SRPK1: variants seen among roughly 807,000 people sequenced by gnomAD.
SRPK1 encodes SFRS protein kinase 1.
Under a neutral mutation model 89.5 loss-of-function variants are expected in SRPK1, and 52 were observed. The ratio of observed to expected loss-of-function variants is 0.58; its 90% CI spans 0.46 to 0.73. The LOEUF is 0.73. Among genes scored for constraint, SRPK1 ranks in the 30% least tolerant of loss-of-function variants. The probability of loss-of-function intolerance (pLI) is 0.00; values close to 1 mark genes in which losing one functional copy is unlikely to be tolerated. For synonymous variants in SRPK1, 255 were observed against 270.2 expected, an observed-to-expected ratio of 0.94 and a Z score of 0.55; for missense variants, 603 against 780.6, an observed-to-expected ratio of 0.77 and a Z score of 2.71.
chr6:35,841,287 T>A (rs1326452492), intron 14 of SRPK1, among the ~76,000 whole-genome samples: 1 of 152,200 alleles, frequency 6.6e-6, no homozygotes, highest in Non-Finnish European at 1.5e-5. Flanking sequence ...AGCATAGCAT[T>A]TTCCAAATGG....
At chr6:35,898,282 A>G (rs1770665036) in intron 2 of SRPK1, among the ~76,000 whole-genome samples, 1 of 152,232 alleles carries the variant, frequency 6.6e-6, no homozygotes, top group Admixed American at 6.5e-5. Flanking sequence ...GGAGAAAAGC[A>G]AATACTGTAT....
chr6:35,912,521 A>G (rs1321608365), intron 2 of SRPK1, among the ~76,000 whole-genome samples: 1 of 152,242 alleles, frequency 6.6e-6, no homozygotes, highest in African/African-American at 2.4e-5. Context: ...ACTACAGTAC[A>G]GTGCAAACAT....
intron 6 of SRPK1, among the ~76,000 whole-genome samples, chr6:35,875,088 C>G (rs1294734156): frequency 6.6e-6 from 1 of 152,256 alleles, no homozygotes; most frequent in African/African-American, 2.4e-5. Context: ...CTTTAACATT[C>G]TCCATTAAAG....
intron 6 of SRPK1, among the ~76,000 whole-genome samples, chr6:35,874,933 A>ATT (rs1770122697): frequency 6.6e-6 from 1 of 152,198 alleles, no homozygotes; most frequent in African/African-American, 2.4e-5. Context: ...GAACAACCTG[A>ATT]TGACACCACA....
At chr6:35,844,068 A>G (rs6905144) in intron 13 of SRPK1, among the ~76,000 whole-genome samples, 46,412 of 147,916 alleles carry the variant, frequency 0.31, 7,491 homozygotes, top group South Asian at 0.42. Flanking sequence ...GCAGTGGCAC[A>G]ATCTCGGCTC....
At chr6:35,919,480 T>C (rs576199854) in intron 2 of SRPK1, among the ~76,000 whole-genome samples, 2 of 152,074 alleles carry the variant, frequency 1.3e-5, no homozygotes, top group Non-Finnish European at 2.9e-5. Flanking sequence ...CCACAAAACA[T>C]CAAATAAATG....
intron 13 of SRPK1, 130 bp from the exon 14 acceptor site, chr6:35,842,734 A>AAC (rs1769338618): frequency 1.9e-6 from 1 of 516,468 alleles, no homozygotes; most frequent in Admixed American, 4.0e-5. Flanking sequence ...TTTAAAAAAA[A>AAC]AAAAAAACAA....
rs1259157963 is a variant in SRPK1 at position 35,915,979 on chromosome 6, A to G, written c.74+4489T>C. ...AGAACGAGACTCTGTCTCAAAAACA[A>G]AAAAAAAAAAAAATATATACACACA... On this transcript the variant is annotated intron_variant, in intron 2 of 15. Transcript: ENST00000373825. Among the ~76,000 whole-genome samples the G allele has an allele frequency of 2.1e-5, 2 of 94,118 alleles. 1 individual carries two copies. Among genetic ancestry groups the G allele is most frequent in the East Asian group, 5.7e-4 (2 of 3,486 alleles). 61.7% of individuals were successfully genotyped at this position (94,118 alleles called of 152,430 possible). A position where few individuals can be genotyped will look rare whatever the true frequency, so the allele number is the denominator to read the frequency against.
intron 2 of SRPK1, among the ~76,000 whole-genome samples, chr6:35,913,999 G>C (rs1406695544): frequency 3.1e-5 from 3 of 96,984 alleles, no homozygotes; most frequent in Non-Finnish European, 6.6e-5. Flanking sequence ...TTTTGAGATG[G>C]AGTTTTGCTC....
At chr6:35,886,908 A>C in intron 5 of SRPK1, 97 bp from the exon 6 acceptor site, 1 of 679,034 alleles carries the variant, frequency 1.5e-6, no homozygotes, top group Non-Finnish European at 2.6e-6. Context: ...ACTACAAGAA[A>C]GAGCTCACAT....
intron 15 of SRPK1, among the ~76,000 whole-genome samples, chr6:35,836,652 G>A (rs1769184993): frequency 6.6e-6 from 1 of 151,906 alleles, no homozygotes; most frequent in African/African-American, 2.4e-5. Flanking sequence ...CTACTTGGGA[G>A]GTTGAGGCAG....
chr6:35,886,740 T>C lies in SRPK1; in HGVS notation c.462A>G (p.Ser154=), dbSNP rs376053592. The change falls in exon 6 of 16, where the codon TCA becomes TCG. Residue 154 remains serine, a synonymous_variant. Coordinates refer to ENST00000373825, the MANE Select transcript of SRPK1 (RefSeq NM_003137.5). ...AAAGGATACGTGTTCCATTAACTCCTGATATTTTAAAGTCATCTAGTAGTT... is the reference window on the plus strand; with the variant it reads ...AAAGGATACGTGTTCCATTAACTCCCGATATTTTAAAGTCATCTAGTAGTT... ...VVQLLDDFKI[S]GVNGTHICMV... is the part of the protein sequence containing the mutation. 48 of 1,597,912 alleles carry C rather than the reference T, an allele frequency of 3.0e-5. No individual in the cohort carries two copies. The highest frequency in any genetic ancestry group is 3.3e-4 in the Middle Eastern group (2 of 6,040).
intron 2 of SRPK1, among the ~76,000 whole-genome samples, chr6:35,909,272 G>A (rs1356396730): frequency 6.6e-6 from 1 of 152,256 alleles, no homozygotes; most frequent in African/African-American, 2.4e-5. Flanking sequence ...AGTCAAAGGA[G>A]ATTATTTTGG....
chr6:35,842,606 TAA>T lies in SRPK1; in HGVS notation c.1621-4_1621-3del, dbSNP rs371577081. On this transcript the variant is annotated splice_region_variant and splice_polypyrimidine_tract_variant and intron_variant, in intron 13 of 15. Coordinates refer to ENST00000373825, the MANE Select transcript of SRPK1 (RefSeq NM_003137.5). Reference sequence around the variant, plus strand: ...GTCACCTGTGGCCAGTTCAAAGGCCTAAAAAAAAAAGAGGACAGTATATGAAA... The same window carrying T: ...GTCACCTGTGGCCAGTTCAAAGGCCTAAAAAAAAGAGGACAGTATATGAAA... The T allele has an allele frequency of 2.9e-3, 3,854 of 1,320,028 alleles. 74 individuals carry two copies. In the African/African-American group the frequency reaches 0.048, roughly 17 times the overall value. 81.8% of individuals were successfully genotyped at this position (1,320,028 alleles called of 1,614,324 possible). A position where few individuals can be genotyped will look rare whatever the true frequency, so the allele number is the denominator to read the frequency against.
chr6:35,871,995 C>T (rs915142278), intron 8 of SRPK1, among the ~76,000 whole-genome samples: 2 of 152,226 alleles, frequency 1.3e-5, no homozygotes, highest in East Asian at 3.8e-4. Context: ...CCCACCTCAA[C>T]CTCCCAAAGT....
intron 7 of SRPK1, 82 bp from the exon 8 acceptor site, chr6:35,872,810 A>G (rs1770061921): frequency 1.8e-6 from 2 of 1,107,580 alleles, no homozygotes; most frequent in African/African-American, 3.4e-5. Context: ...ATGACATTAA[A>G]AAAAAAAAAA....
intron 6 of SRPK1, among the ~76,000 whole-genome samples, chr6:35,877,807 C>T (rs1770187228): frequency 6.6e-6 from 1 of 150,754 alleles, no homozygotes; most frequent in African/African-American, 2.5e-5. Context: ...TGCACCACTG[C>T]ACTCCACTGC....
chr6:35,839,291 C>T (rs1028385153), intron 14 of SRPK1, among the ~76,000 whole-genome samples: 3 of 152,328 alleles, frequency 2.0e-5, no homozygotes, highest in Admixed American at 6.5e-5. Context: ...GTTGGGATTA[C>T]AGGCCTGAGC....
chr6:35,860,442 G>A lies in SRPK1; in HGVS notation c.1513-3074C>T, dbSNP rs1222026880. Among the ~76,000 whole-genome samples, 3 of 152,152 alleles carry A rather than the reference G, an allele frequency of 2.0e-5. No homozygotes were observed. In the East Asian group the frequency reaches 5.8e-4, roughly 29 times the overall value. ...CCACCGGAATAAAGTGTGCCACATAGGTAAGAAAACACACATGAAGGTGTT... is the reference window on the plus strand; with the variant it reads ...CCACCGGAATAAAGTGTGCCACATAAGTAAGAAAACACACATGAAGGTGTT... On this transcript the variant is annotated intron_variant, in intron 12 of 15. Coordinates refer to ENST00000373825, the MANE Select transcript of SRPK1 (RefSeq NM_003137.5).
Sources: gnomAD v4.1 joint callset for allele counts (sites outside exome capture counted in the v4.1 genomes callset) on GRCh38, gnomAD v4.1.1 for gene constraint, MANE v1.5 for transcripts, NCBI Gene and HGNC (gene_info 2026-07-23, HGNC 2026-07-21) for gene names.